The following MIER2 variants were observed in gnomAD, a reference collection of about 807,000 sequenced individuals.
The protein encoded by MIER2 is MIER family member 2, also known as mesoderm induction early response protein 2.
MIER2 carries 30 observed loss-of-function variants against 67.6 expected under a neutral mutation model. That is an observed-to-expected ratio of 0.44 (90% CI 0.33 to 0.60). MIER2 has a LOEUF of 0.60. Among genes scored for constraint, MIER2 ranks in the 20% least tolerant of loss-of-function variants. The pLI is 0.02. For synonymous variants in MIER2, 372 were observed against 312.6 expected (o/e 1.19, Z -2.00); for missense variants, 702 against 745.1 (o/e 0.94, Z 0.67).
At chr19:337,870 C>CAAAAAAAAAAA (rs34553732) in intron 1 of MIER2, among the ~76,000 whole-genome samples, 23 of 37,124 alleles carry the variant, frequency 6.2e-4, no homozygotes, top group Admixed American at 9.2e-4. Context: ...CTCCATCTCA[C>CAAAAAAAAAAA]AAAAAAAAAA....
chr19:320,748 C>T (rs916271836), intron 7 of MIER2, among the ~76,000 whole-genome samples: 9 of 152,344 alleles, frequency 5.9e-5, no homozygotes, highest in African/African-American at 1.9e-4. Flanking sequence ...CTCCAACATC[C>T]GTGGAAAAAT....
In MIER2 at chr19:334,393, C is replaced by T. The variant is rs561814972; in HGVS notation, c.243+7G>A. 3 of 1,613,874 alleles carry T rather than the reference C, an allele frequency of 1.9e-6. No homozygotes were observed. The Admixed American group carries it at 5.0e-5, about 27-fold the overall frequency. On this transcript the variant is annotated splice_region_variant and intron_variant, in intron 3 of 13. Coordinates refer to ENST00000264819, the MANE Select transcript of MIER2 (RefSeq NM_017550.3). ...AACACAGGGGCAGGATCACCTTGGCCAAGTACCTGGGAGATGAAGTCCTTC... is the reference window on the plus strand; with the variant it reads ...AACACAGGGGCAGGATCACCTTGGCTAAGTACCTGGGAGATGAAGTCCTTC...
chr19:334,575 G>T, intron 2 of MIER2, 33 bp from the exon 3 acceptor site: 4 of 1,605,262 alleles, frequency 2.5e-6, no homozygotes, highest in Non-Finnish European at 3.4e-6. Context: ...GGTGAGCACC[G>T]TGCCTCGCCT....
intron 7 of MIER2, among the ~76,000 whole-genome samples, chr19:323,341 AT>A (rs1971581939): frequency 6.7e-6 from 1 of 149,090 alleles, no homozygotes; most frequent in Non-Finnish European, 1.5e-5. Flanking sequence ...GACGACTCGA[AT>A]GACACAGACA....
intron 7 of MIER2, among the ~76,000 whole-genome samples, chr19:318,684 A>G (rs1356271760): frequency 6.6e-6 from 1 of 152,242 alleles, no homozygotes; most frequent in African/African-American, 2.4e-5. Context: ...AATAATGGAC[A>G]TAAAGCGAGG....
At chr19:327,330 A>G in intron 4 of MIER2, 74 bp from the exon 5 acceptor site, 1 of 1,514,700 alleles carries the variant, frequency 6.6e-7, no homozygotes, top group South Asian at 1.2e-5. Flanking sequence ...TGATAACAAC[A>G]GTAAAGACAC....
chr19:326,450 G>A lies in MIER2; in HGVS notation c.585+57C>T, dbSNP rs1971754119. The A allele has an allele frequency of 2.3e-5, 35 of 1,508,244 alleles. 1 individual carries two copies. In the South Asian group the frequency reaches 3.8e-4, roughly 17 times the overall value. 93.4% of individuals were successfully genotyped at this position (1,508,244 alleles called of 1,614,324 possible). A position where few individuals can be genotyped will look rare whatever the true frequency, so the allele number is the denominator to read the frequency against. On this transcript the variant is annotated intron_variant, in intron 6 of 13. Coordinates refer to ENST00000264819, the MANE Select transcript of MIER2 (RefSeq NM_017550.3). ...AGCCACGGTCGGGATGCCAGGTTGGGGAGACGGCAGAACCACGGCCGGGAT... is the reference window on the plus strand; with the variant it reads ...AGCCACGGTCGGGATGCCAGGTTGGAGAGACGGCAGAACCACGGCCGGGAT...
chr19:326,413 G>C, intron 6 of MIER2, 94 bp downstream of exon 6: 1 of 1,165,478 alleles, frequency 8.6e-7, no homozygotes, highest in South Asian at 1.3e-5. Context: ...TGCCAGGCTG[G>C]GGAGACGGCA....
chr19:324,706 C>T (rs1971659654), intron 7 of MIER2, among the ~76,000 whole-genome samples: 1 of 152,158 alleles, frequency 6.6e-6, no homozygotes, highest in African/African-American at 2.4e-5. Context: ...AGGTGTCATA[C>T]CGAGTGGGAG....
Position 327,975 on chromosome 19 carries a change from G to T in MIER2, c.258C>A (p.Pro86=), listed in dbSNP as rs145878189. The T allele has an allele frequency of 6.2e-7, 1 of 1,613,194 alleles. No individual in the cohort carries two copies. Among genetic ancestry groups the T allele is most frequent in the Non-Finnish European group, 8.5e-7 (1 of 1,179,570 alleles). ...CATAGAGCGCAAGCAGCTCATCAAAGGGCATGTCGTTGCTCTGAGTTGGGG... is the reference window on the plus strand; with the variant it reads ...CATAGAGCGCAAGCAGCTCATCAAATGGCATGTCGTTGCTCTGAGTTGGGG... The part of the protein sequence containing the change: ...KDFISQSNDM[P]FDELLALYGY... The change falls in exon 4 of 14, where the codon CCC becomes CCA. Residue 86 remains proline, a synonymous_variant. Transcript: ENST00000264819.
intron 10 of MIER2, 128 bp downstream of exon 10, chr19:311,717 C>T (rs1318371953): frequency 3.4e-5 from 28 of 812,406 alleles, no homozygotes; most frequent in South Asian, 6.8e-5. Flanking sequence ...AATGGGCACA[C>T]GGTGAGGAGG....
At chr19:326,846 C>A in intron 5 of MIER2, 2 of 586,962 alleles carry the variant, frequency 3.4e-6, no homozygotes, top group Non-Finnish European at 5.9e-6. Flanking sequence ...AAAGCCAGCA[C>A]AGAGGCTTGT....
At chr19:344,590 C>T (rs1254561438) in intron 1 of MIER2, 184 bp downstream of exon 1, 2 of 261,734 alleles carry the variant, frequency 7.6e-6, no homozygotes, top group Non-Finnish European at 1.2e-5. Context: ...GGGGGCCGGC[C>T]GGGGGCGGCC....
chr19:318,329 T>G (rs1971348296), intron 7 of MIER2, among the ~76,000 whole-genome samples: 1 of 152,166 alleles, frequency 6.6e-6, no homozygotes, highest in South Asian at 2.1e-4. Flanking sequence ...TGATGGCAGA[T>G]TAAGTACTTA....
At chr19:311,821 G>A in intron 10 of MIER2, 24 bp downstream of exon 10, 3 of 1,612,880 alleles carry the variant, frequency 1.9e-6, no homozygotes, top group Non-Finnish European at 2.5e-6. Context: ...AGCCCCCGGT[G>A]GAGCCTGGCA....
intron 7 of MIER2, among the ~76,000 whole-genome samples, chr19:323,223 AACTCGAAT>A (rs1971573038): frequency 7.9e-6 from 1 of 126,880 alleles, no homozygotes; most frequent in Non-Finnish European, 1.8e-5. Flanking sequence ...CCACGCAGAC[AACTCGAAT>A]GATACAGTCG....
chr19:309,693 G>C (rs1394294393), intron 10 of MIER2, among the ~76,000 whole-genome samples: 9 of 78,488 alleles, frequency 1.1e-4, no homozygotes, highest in African/African-American at 5.5e-4. Context: ...GCTTCAGGGA[G>C]ACGAGAAGGG....
At chr19:332,190 C>T (rs1213770915) in intron 3 of MIER2, among the ~76,000 whole-genome samples, 2 of 151,772 alleles carry the variant, frequency 1.3e-5, no homozygotes, top group South Asian at 2.1e-4. Flanking sequence ...TGGCAATTTT[C>T]GTATTCTTTT....
At chr19:320,181 C>T (rs950057728) in intron 7 of MIER2, among the ~76,000 whole-genome samples, 27 of 151,944 alleles carry the variant, frequency 1.8e-4, no homozygotes, top group African/African-American at 6.3e-4. Flanking sequence ...TTGAGACCAG[C>T]CTGGGCAACA....
Sources: allele counts gnomAD v4.1 joint callset (sites outside exome capture counted in the v4.1 genomes callset), GRCh38; gene constraint gnomAD v4.1.1; transcripts MANE v1.5; gene names NCBI Gene and HGNC (gene_info 2026-07-23, HGNC 2026-07-21).